Variants in ZNF516 observed in about 807,000 individuals in gnomAD.
ZNF516 encodes zinc finger protein 516.
ZNF516 carries 19 observed loss-of-function variants against 79.7 expected under a neutral mutation model. The ratio of observed to expected loss-of-function variants is 0.24; its 90% CI spans 0.17 to 0.35. ZNF516 has a LOEUF of 0.35. Among genes scored for constraint, ZNF516 ranks in the 10% least tolerant of loss-of-function variants. The probability of loss-of-function intolerance (pLI) is 1.00; values close to 1 mark genes in which losing one functional copy is unlikely to be tolerated. For synonymous variants in ZNF516, 877 were observed against 739.5 expected, an observed-to-expected ratio of 1.19 and a Z score of -3.02; for missense variants, 1,678 against 1,679.5, an observed-to-expected ratio of 1.00 and a Z score of 0.02.
chr18:76,441,848 C>T lies in ZNF516; in HGVS notation c.1207G>A (p.Ala403Thr), dbSNP rs750788204. 4 of 1,575,694 alleles carry T rather than the reference C, an allele frequency of 2.5e-6. No homozygotes were observed. The East Asian group carries it at 6.9e-5, about 27-fold the overall frequency. The change falls in exon 3 of 7, where the codon GCC becomes ACC. Residue 403 changes from alanine (A) to threonine (T), a missense_variant. By Grantham distance (58) the Ala-to-Thr change is moderately conservative. Coordinates refer to ENST00000443185, the MANE Select transcript of ZNF516 (RefSeq NM_014643.4). ...AAGDSCPGTQ[A>T]GRRVAELDPV... is the part of the protein sequence containing the mutation. ...TCCAGCTCAGCCACCCGCCGTCCGG[C>T]CTGCGTGCCAGGGCACGAGTCGCCG...
intron 3 of ZNF516, among the ~76,000 whole-genome samples, chr18:76,425,949 G>T (rs931859214): frequency 6.6e-6 from 1 of 152,212 alleles, no homozygotes. Context: ...GCTGCTCTTC[G>T]CGGCACAGGG....
At chr18:76,420,260 ATGCTCAT>A (rs2075489425) in intron 3 of ZNF516, among the ~76,000 whole-genome samples, 2 of 152,318 alleles carry the variant, frequency 1.3e-5, no homozygotes, top group Admixed American at 1.3e-4. Flanking sequence ...AGCACTGCAG[ATGCTCAT>A]TGTCCAAATC....
At chr18:76,433,838 G>A (rs952674390) in intron 3 of ZNF516, among the ~76,000 whole-genome samples, 3 of 152,170 alleles carry the variant, frequency 2.0e-5, no homozygotes, top group Non-Finnish European at 4.4e-5. Context: ...ATCATCAGTC[G>A]GAATGACTAG....
chr18:76,490,014 T>C (rs1915070983), intron 1 of ZNF516: 1 of 220,326 alleles, frequency 4.5e-6, no homozygotes, highest in Admixed American at 6.5e-5. Flanking sequence ...GGTGTTTCAG[T>C]ATATTCAAAT....
intron 3 of ZNF516, 80 bp downstream of exon 3, chr18:76,441,165 T>G: frequency 6.7e-7 from 1 of 1,501,504 alleles, no homozygotes; most frequent in South Asian, 1.3e-5. Context: ...CGAGCCTACT[T>G]GAGTATACGT....
rs1348248605 is a variant in ZNF516, at chr18:76,495,194, A to T, written c.-322T>A. On this transcript the variant is annotated 5_prime_UTR_variant, in exon 1 of 7. The change abolishes an upstream ATG in the 5' untranslated region. Transcript: ENST00000443185. ...GGAGGAGGACGCGCACGCCCCGCGCATCTGAAGGTGAAGCCGAGCGCCCGC... is the reference window on the plus strand; with the variant it reads ...GGAGGAGGACGCGCACGCCCCGCGCTTCTGAAGGTGAAGCCGAGCGCCCGC... 2.7e-5 allele frequency: 4 copies of T among 148,470 alleles called. No individual in the cohort carries two copies. The highest frequency in any genetic ancestry group is 4.5e-5 in the Non-Finnish European group (3 of 66,762). The allele number at this position is 148,470 out of a possible 1,614,324, so 9.2% of individuals were successfully genotyped here.
At chr18:76,447,338 G>C (rs1164845604) in intron 2 of ZNF516, among the ~76,000 whole-genome samples, 1 of 152,196 alleles carries the variant, frequency 6.6e-6, no homozygotes, top group Non-Finnish European at 1.5e-5. Flanking sequence ...GTTTCGATGG[G>C]ATGCCTCCTC....
intron 4 of ZNF516, among the ~76,000 whole-genome samples, chr18:76,374,033 G>A (rs1020718811): frequency 1.3e-5 from 2 of 152,238 alleles, no homozygotes; most frequent in East Asian, 1.9e-4. Flanking sequence ...GCCCTGCTAC[G>A]TTGCGTGTCA....
At chr18:76,381,048 G>A (rs533873457) in intron 3 of ZNF516, among the ~76,000 whole-genome samples, 9 of 152,314 alleles carry the variant, frequency 5.9e-5, no homozygotes, top group South Asian at 2.1e-4. Flanking sequence ...CCTGATGGTC[G>A]GACCTTGACG....
At chr18:76,494,228 T>C (rs1396939359) in intron 1 of ZNF516, among the ~76,000 whole-genome samples, 2 of 152,242 alleles carry the variant, frequency 1.3e-5, no homozygotes, top group Non-Finnish European at 2.9e-5. Context: ...TGAGGCGGTT[T>C]AATCTAAATA....
chr18:76,486,632 C>T (rs920851925), intron 1 of ZNF516, among the ~76,000 whole-genome samples: 2 of 151,124 alleles, frequency 1.3e-5, no homozygotes. Flanking sequence ...GAGGCTGAGC[C>T]AGCACCAGCA....
At position 76,441,434 on chromosome 18, in the gene ZNF516, G is replaced by C. The variant is rs572186968; in HGVS notation, c.1621C>G (p.Arg541Gly). ...VLHSRVHRRA[R>G]RERDSDGDRA... ...TCCCCGTCACTGTCCCTCTCGCGGC[G>C]CGCGCGGCGATGCACGCGTGAGTGC... The change falls in exon 3 of 7, where the codon CGC becomes GGC. Residue 541 changes from arginine (R) to glycine (G), a missense_variant. Around this residue, in one of 5 missense-constraint regions of ZNF516, gnomAD observed 1,294 missense variants for 1,248.3 expected, o/e 1.04. Coordinates refer to ENST00000443185, the MANE Select transcript of ZNF516 (RefSeq NM_014643.4). The C allele has an allele frequency of 6.2e-7, 1 of 1,607,082 alleles. No homozygotes were observed. Among genetic ancestry groups the C allele is most frequent in the African/African-American group, 1.3e-5 (1 of 74,790 alleles).
rs1016680338 is a variant in ZNF516 at position 76,359,658 on chromosome 18, G to C, written c.*2840C>G. 1.3e-5 allele frequency: 2 copies of C among 152,184 alleles called. No individual in the cohort carries two copies. Among genetic ancestry groups the C allele is most frequent in the African/African-American group, 2.4e-5 (1 of 41,416 alleles). 9.4% of individuals were successfully genotyped at this position (152,184 alleles called of 1,614,324 possible). A position where few individuals can be genotyped will look rare whatever the true frequency, so the allele number is the denominator to read the frequency against. ...GCGGAAAGCAGGGGAGAGACACCGA[G>C]AAGCTGCAGTGTAGACAACCAAACC... On this transcript the variant is annotated 3_prime_UTR_variant, in exon 7 of 7. Coordinates refer to ENST00000443185, the MANE Select transcript of ZNF516 (RefSeq NM_014643.4).
At position 76,441,991 on chromosome 18, in the gene ZNF516, G is replaced by T. The variant is rs754247710; in HGVS notation, c.1064C>A (p.Ala355Asp). The T allele has an allele frequency of 3.7e-6, 6 of 1,613,206 alleles. No individual in the cohort carries two copies. The highest frequency in any genetic ancestry group is 2.7e-5 in the African/African-American group (2 of 74,952). ...TNLDSLNAHN[A>D]IHRRVEASRT... The stretch of plus-strand genomic sequence containing the variant: ...GCTGGCCTCGACTCTGCGGTGGATG[G>T]CATTGTGGGCGTTCAAGCTGTCCAG... Residue 355 changes from alanine to aspartate, a missense_variant, in exon 3 of 7, where the codon GCC (alanine) becomes GAC (aspartate). Transcript: ENST00000443185.
At chr18:76,420,048 T>C (rs1287301948) in intron 3 of ZNF516, among the ~76,000 whole-genome samples, 1 of 152,238 alleles carries the variant, frequency 6.6e-6, no homozygotes, top group Non-Finnish European at 1.5e-5. Flanking sequence ...GGGGATCCCA[T>C]GGCTCCCACA....
At chr18:76,425,780 C>T (rs1184489495) in intron 3 of ZNF516, among the ~76,000 whole-genome samples, 3 of 152,136 alleles carry the variant, frequency 2.0e-5, no homozygotes, top group Non-Finnish European at 4.4e-5. Flanking sequence ...TGGACCCATG[C>T]GGCACTCAAG....
rs372680091 is a variant in ZNF516 at position 76,427,555 on chromosome 18, A to G, written c.1810+13690T>C. Among the ~76,000 whole-genome samples, 18 of 152,354 alleles carry G rather than the reference A, an allele frequency of 1.2e-4. No individual in the cohort carries two copies. The East Asian group carries it at 1.7e-3, about 15-fold the overall frequency. On this transcript the variant is annotated intron_variant, in intron 3 of 6. Coordinates refer to ENST00000443185, the MANE Select transcript of ZNF516 (RefSeq NM_014643.4). ...GAATAAAGCAAATGTAATGAAGCAAACTAGATTGAATCAATGAGAATAGTT... is the reference window on the plus strand; with the variant it reads ...GAATAAAGCAAATGTAATGAAGCAAGCTAGATTGAATCAATGAGAATAGTT...
intron 2 of ZNF516, among the ~76,000 whole-genome samples, chr18:76,455,123 A>C (rs1201870385): frequency 2.6e-5 from 4 of 152,182 alleles, no homozygotes; most frequent in Admixed American, 2.0e-4. Flanking sequence ...TAAGTCAAAC[A>C]GAAAGACAAA....
intron 5 of ZNF516, 117 bp downstream of exon 5, chr18:76,371,350 C>T: frequency 9.3e-7 from 1 of 1,075,720 alleles, no homozygotes; most frequent in Non-Finnish European, 1.3e-6. Flanking sequence ...AGGCCCCCCG[C>T]CGCCTGGTAG....
Sources: allele counts gnomAD v4.1 joint callset (sites outside exome capture counted in the v4.1 genomes callset), GRCh38; gene constraint gnomAD v4.1.1; regional missense constraint gnomAD v4.1.1; transcripts MANE v1.5; gene names NCBI Gene and HGNC (gene_info 2026-07-23, HGNC 2026-07-21).